STAMBP: variants seen among roughly 807,000 people sequenced by gnomAD.
The protein encoded by STAMBP is STAM-binding protein.
A neutral mutation model predicts 50.7 loss-of-function variants in STAMBP; 31 were observed. That is an observed-to-expected ratio of 0.61 (90% CI 0.46 to 0.83). The LOEUF (loss-of-function observed/expected upper bound fraction) is 0.83. Among genes scored for constraint, STAMBP ranks in the 40% least tolerant of loss-of-function variants. The pLI is 0.00. For missense variants in STAMBP, 472 were observed against 518.9 expected (o/e 0.91, Z 0.88); for synonymous variants, 211 against 192.4 (o/e 1.10, Z -0.80).
intron 2 of STAMBP, among the ~76,000 whole-genome samples, chr2:73,838,019 A>G (rs1197151491): frequency 6.6e-6 from 1 of 152,176 alleles, no homozygotes; most frequent in African/African-American, 2.4e-5. Flanking sequence ...AAGACAGAAG[A>G]TTGGCCTTTG....
intron 2 of STAMBP, among the ~76,000 whole-genome samples, chr2:73,843,406 G>GTATATGTATATATATATATATA (rs1553380272): frequency 1.7e-4 from 22 of 129,940 alleles, no homozygotes; most frequent in African/African-American, 7.0e-4. Flanking sequence ...GTTTGTGTAT[G>GTATATGTATATATATATATATA]TATATATATA....
Position 73,830,982 on chromosome 2 carries a change from G to C in STAMBP, c.126G>C (p.Glu42Asp). The C allele has an allele frequency of 6.2e-7, 1 of 1,614,230 alleles. No homozygotes were observed. The highest frequency in any genetic ancestry group is 1.1e-5 in the South Asian group (1 of 91,084). ...GTCGGTACTTCCGCTCTGGAGTTGA[G>C]ATTATCCGAATGGCATCCATTTACT... is the stretch of plus-strand genomic sequence containing the variant. ...PPRRYFRSGV[E>D]IIRMASIYSE... is the part of the protein sequence containing the mutation. Residue 42 changes from glutamate to aspartate, a missense_variant, in exon 2 of 10, where the codon GAG (glutamate) becomes GAC (aspartate). Coordinates refer to ENST00000394070, the MANE Select transcript of STAMBP (RefSeq NM_213622.4).
At chr2:73,871,029 C>G (rs987443489), downstream of STAMBP, among the ~76,000 whole-genome samples, 7 of 152,106 alleles carry the variant, frequency 4.6e-5, no homozygotes, top group Non-Finnish European at 2.9e-5. Context: ...CCCAGCCTTC[C>G]AAAGCGCTGG....
chr2:73,872,979 G>A (rs1160129291), intron 10 of STAMBP, among the ~76,000 whole-genome samples: 1 of 152,194 alleles, frequency 6.6e-6, no homozygotes, highest in Non-Finnish European at 1.5e-5. Context: ...CCCAACATCA[G>A]GTAGAGGGGT....
chr2:73,830,695 T>C (rs1673793313), intron 1 of STAMBP, 150 bp from the exon 2 acceptor site: 1 of 654,720 alleles, frequency 1.5e-6, no homozygotes, highest in South Asian at 2.0e-5. Flanking sequence ...TCAGCCTTCT[T>C]GTAGGAAAGT....
Position 73,847,420 on chromosome 2 carries a change from G to A in STAMBP, c.409G>A (p.Ala137Thr). 1 of 1,612,456 alleles carries A rather than the reference G, an allele frequency of 6.2e-7. No homozygotes were observed. The highest frequency in any genetic ancestry group is 8.5e-7 in the Non-Finnish European group (1 of 1,178,892). The change falls in exon 5 of 10, where the codon GCC becomes ACC. Residue 137 changes from alanine to threonine, a missense_variant. By Grantham distance (58) the Ala-to-Thr change is moderately conservative. Transcript: ENST00000394070. ...KEAEELARNM[A>T]IQQELEKEKQ... ...AGCAGAGGAATTGGCCCGGAACATG[G>A]CCATCCAGCAAGAGCTGGAAAAGGA... is the stretch of plus-strand genomic sequence containing the variant.
chr2:73,861,913 A>G (rs532772275), intron 9 of STAMBP, among the ~76,000 whole-genome samples: 3 of 152,194 alleles, frequency 2.0e-5, no homozygotes. Context: ...TGAGGCAGGC[A>G]GATTACTTGA....
chr2:73,855,651 A>G (rs1436094600), intron 7 of STAMBP: 1 of 456,090 alleles, frequency 2.2e-6, no homozygotes. Flanking sequence ...TGAAGTCCTT[A>G]CATGCCCCAT....
In STAMBP at chr2:73,830,866, C is replaced by T; in HGVS notation, c.10C>T (p.His4Tyr). 1 of 1,612,902 alleles carries T rather than the reference C, an allele frequency of 6.2e-7. No individual in the cohort carries two copies. The change falls in exon 2 of 10, where the codon CAT becomes TAT. Residue 4 changes from histidine to tyrosine, a missense_variant. By Grantham distance (83) the His-to-Tyr change is moderately conservative. Coordinates refer to ENST00000394070, the MANE Select transcript of STAMBP (RefSeq NM_213622.4). MSDHGDVSLPPEDR... is the reference protein window; with the variant it reads MSDYGDVSLPPEDR... The stretch of plus-strand genomic sequence containing the variant: ...TCAGAACTTGGTCCTGATGTCTGAC[C>T]ATGGAGATGTGAGCCTCCCGCCCGA...
Position 73,865,783 on chromosome 2 carries a change from C to T in STAMBP, c.*3524C>T, listed in dbSNP as rs1678826486. On this transcript the variant is annotated 3_prime_UTR_variant, in exon 10 of 10. Transcript: ENST00000394070. ...TGTTACAGTTGGGGTGCGGTTGCTT[C>T]TATCTTCTGGACCTCTGCCCATTCA... 1 of 151,542 alleles carries T rather than the reference C, an allele frequency of 6.6e-6. No homozygotes were observed. The highest frequency in any genetic ancestry group is 6.6e-5 in the Admixed American group (1 of 15,252). 9.4% of individuals were successfully genotyped at this position (151,542 alleles called of 1,614,324 possible). A position where few individuals can be genotyped will look rare whatever the true frequency, so the allele number is the denominator to read the frequency against.
Position 73,831,029 on chromosome 2 carries a change from A to T in STAMBP, c.173A>T (p.His58Leu). Reference protein sequence around the residue: ...SIYSEEGNIEHAFILYNKYIT... With the variant: ...SIYSEEGNIELAFILYNKYIT... The stretch of plus-strand genomic sequence containing the variant: ...TACTCTGAGGAAGGCAACATTGAAC[A>T]TGCCTTCATCCTCTATAACAAGTAT... Residue 58 changes from histidine to leucine, a missense_variant, in exon 2 of 10, where the codon CAT becomes CTT. Coordinates refer to ENST00000394070, the MANE Select transcript of STAMBP (RefSeq NM_213622.4). 4 of 1,614,180 alleles carry T rather than the reference A, an allele frequency of 2.5e-6. No individual in the cohort carries two copies. Among genetic ancestry groups the T allele is most frequent in the Non-Finnish European group, 2.5e-6 (3 of 1,179,964 alleles).
chr2:73,852,290 C>A (rs1020265160), intron 7 of STAMBP, among the ~76,000 whole-genome samples: 3 of 151,996 alleles, frequency 2.0e-5, no homozygotes, highest in Non-Finnish European at 4.4e-5. Flanking sequence ...AGATTTGGGG[C>A]CTTGCAGTGA....
At chr2:73,842,611 T>C (rs1675539405) in intron 2 of STAMBP, among the ~76,000 whole-genome samples, 1 of 152,254 alleles carries the variant, frequency 6.6e-6, no homozygotes, top group African/African-American at 2.4e-5. Flanking sequence ...TCTGGTGTTT[T>C]TGTGACCAGG....
At chr2:73,832,108 T>TATATATATATATATATATATATAC (rs1006072205) in intron 2 of STAMBP, among the ~76,000 whole-genome samples, 1,943 of 121,500 alleles carry the variant, frequency 0.016, 57 homozygotes, top group African/African-American at 0.023. Flanking sequence ...TATATATATA[T>TATATATATATATATATATATATAC]ACACATATAT....
intron 7 of STAMBP, 65 bp from the exon 8 acceptor site, chr2:73,859,189 C>T (rs1379167425): frequency 6.1e-6 from 8 of 1,317,922 alleles, no homozygotes; most frequent in Middle Eastern, 1.8e-4. Flanking sequence ...GAAAGGGAAT[C>T]GCAAATAAGG....
chr2:73,836,281 T>C (rs1288504381), intron 2 of STAMBP, among the ~76,000 whole-genome samples: 2 of 152,200 alleles, frequency 1.3e-5, no homozygotes, highest in African/African-American at 2.4e-5. Flanking sequence ...AACCTCCGAA[T>C]GGGGGCTGGG....
Position 73,845,233 on chromosome 2 carries a change from A to G in STAMBP, c.346A>G (p.Lys116Glu). 2 of 1,613,818 alleles carry G rather than the reference A, an allele frequency of 1.2e-6. No individual in the cohort carries two copies. The highest frequency in any genetic ancestry group is 1.7e-6 in the Non-Finnish European group (2 of 1,179,700). The change falls in exon 4 of 10, where the codon AAA becomes GAA. Residue 116 changes from lysine to glutamate, a missense_variant. Transcript: ENST00000394070. ...LKAELLKRYT[K>E]EYTEYNEEKK... ...GGCAGAGCTGTTAAAACGATATACCAAAGAATATACAGAATATAATGAAGA... is the reference window on the plus strand; with the variant it reads ...GGCAGAGCTGTTAAAACGATATACCGAAGAATATACAGAATATAATGAAGA...
At chr2:73,855,633 G>T (rs549429261) in intron 7 of STAMBP, 41 of 456,086 alleles carry the variant, frequency 9.0e-5, no homozygotes, top group Non-Finnish European at 1.6e-4. Context: ...TAGAAACTTT[G>T]TGGTCACTGA....
intron 2 of STAMBP, among the ~76,000 whole-genome samples, chr2:73,833,799 C>T (rs1674246467): frequency 6.6e-6 from 1 of 152,062 alleles, no homozygotes; most frequent in South Asian, 2.1e-4. Context: ...GTAAAATGGC[C>T]CCTGTCCTTA....
Sources: gnomAD v4.1 joint callset for allele counts (sites outside exome capture counted in the v4.1 genomes callset) on GRCh38, gnomAD v4.1.1 for gene constraint, MANE v1.5 for transcripts, NCBI Gene and HGNC (gene_info 2026-07-23, HGNC 2026-07-21) for gene names.